LUZP2: variants seen among roughly 807,000 people sequenced by gnomAD.
LUZP2 encodes the protein leucine zipper protein 2.
Under a neutral mutation model 51.6 loss-of-function variants are expected in LUZP2, and 52 were observed. That is an observed-to-expected ratio of 1.01 (90% CI 0.81 to 1.27). The LOEUF is 1.27. Among genes scored for constraint, LUZP2 ranks in the 50% most tolerant of loss-of-function variants. LUZP2 has a pLI of 0.00. For synonymous variants in LUZP2, 154 were observed against 137.3 expected, an observed-to-expected ratio of 1.12 and a Z score of -0.85; for missense variants, 436 against 395.4, an observed-to-expected ratio of 1.10 and a Z score of -0.87.
intron 9 of LUZP2, among the ~76,000 whole-genome samples, chr11:24,999,492 A>G (rs1461346569): frequency 1.4e-5 from 2 of 139,220 alleles, no homozygotes; most frequent in Non-Finnish European, 3.0e-5. Context: ...AAGAAGAGAG[A>G]AAGAGAAGGA....
intron 7 of LUZP2, among the ~76,000 whole-genome samples, chr11:24,943,105 G>A (rs554264011): frequency 1.3e-4 from 20 of 152,192 alleles, no homozygotes; most frequent in African/African-American, 4.1e-4. Context: ...GATTGGATTC[G>A]TATGGTAATT....
At chr11:24,520,728 A>G (rs1217599857) in intron 1 of LUZP2, among the ~76,000 whole-genome samples, 2 of 152,214 alleles carry the variant, frequency 1.3e-5, no homozygotes, top group Non-Finnish European at 2.9e-5. Flanking sequence ...TTAATGGTAC[A>G]TTTAGATAGA....
intron 4 of LUZP2, among the ~76,000 whole-genome samples, chr11:24,761,560 C>A (rs1859980509): frequency 6.6e-6 from 1 of 152,126 alleles, no homozygotes; most frequent in African/African-American, 2.4e-5. Flanking sequence ...GAGCTGTATC[C>A]AGGCTGTGGG....
intron 1 of LUZP2, among the ~76,000 whole-genome samples, chr11:24,559,764 T>C (rs569494257): frequency 2.0e-5 from 3 of 152,288 alleles, no homozygotes; most frequent in Admixed American, 2.0e-4. Context: ...TAGATGATAG[T>C]TGAATTTAGT....
At chr11:24,937,630 G>A (rs1363462385) in intron 7 of LUZP2, among the ~76,000 whole-genome samples, 9 of 152,102 alleles carry the variant, frequency 5.9e-5, no homozygotes, top group Admixed American at 5.9e-4. Flanking sequence ...GGCCGGGCGC[G>A]GTGGCTCACG....
chr11:24,718,951 C>A (rs1858159154), intron 1 of LUZP2, among the ~76,000 whole-genome samples: 1 of 152,098 alleles, frequency 6.6e-6, no homozygotes, highest in South Asian at 2.1e-4. Context: ...AGACAAAACA[C>A]ATTTAAATAT....
At chr11:24,887,512 G>T (rs1160706602) in intron 5 of LUZP2, among the ~76,000 whole-genome samples, 1 of 152,160 alleles carries the variant, frequency 6.6e-6, no homozygotes, top group African/African-American at 2.4e-5. Context: ...TATCAGAAAA[G>T]CAGGCACCAG....
chr11:24,756,396 C>A (rs975892904), intron 4 of LUZP2, among the ~76,000 whole-genome samples: 2 of 152,192 alleles, frequency 1.3e-5, no homozygotes, highest in Non-Finnish European at 2.9e-5. Context: ...TGGCTTTTGT[C>A]ATCAACAGTT....
chr11:24,778,439 CAAAT>C (rs1849002925), intron 5 of LUZP2, among the ~76,000 whole-genome samples: 3 of 151,704 alleles, frequency 2.0e-5, no homozygotes, highest in South Asian at 2.1e-4. Context: ...AACAAACAAA[CAAAT>C]AAAATTTATA....
chr11:24,863,602 C>T (rs1026704354), intron 5 of LUZP2, among the ~76,000 whole-genome samples: 3 of 151,752 alleles, frequency 2.0e-5, no homozygotes, highest in Non-Finnish European at 2.9e-5. Context: ...TGGGGGGAAG[C>T]GGTGATAGAA....
intron 1 of LUZP2, among the ~76,000 whole-genome samples, chr11:24,575,710 T>C (rs1852621862): frequency 6.6e-6 from 1 of 152,192 alleles, no homozygotes; most frequent in South Asian, 2.1e-4. Context: ...AAACATCACG[T>C]AGTTTTTTAA....
At chr11:24,769,065 T>A (rs1398616832) in intron 5 of LUZP2, among the ~76,000 whole-genome samples, 6 of 152,140 alleles carry the variant, frequency 3.9e-5, no homozygotes, top group Admixed American at 3.9e-4. Context: ...TTAAAAAGAA[T>A]GAAATCCTGT....
chr11:25,001,002 G>A (rs969968461), intron 9 of LUZP2, among the ~76,000 whole-genome samples: 73 of 152,142 alleles, frequency 4.8e-4, no homozygotes, highest in African/African-American at 1.6e-3. Flanking sequence ...TATAAGTAGA[G>A]GTATTAGTTG....
chr11:24,679,914 A>G (rs760512754), intron 1 of LUZP2, among the ~76,000 whole-genome samples: 10 of 152,170 alleles, frequency 6.6e-5, no homozygotes, highest in Non-Finnish European at 1.3e-4. Flanking sequence ...TAACTATTGA[A>G]TGAATGGATT....
intron 1 of LUZP2, among the ~76,000 whole-genome samples, chr11:24,665,814 C>G (rs1856194467): frequency 6.6e-6 from 1 of 152,126 alleles, no homozygotes; most frequent in African/African-American, 2.4e-5. Context: ...TCAATTAAAC[C>G]TCTTTCCTTT....
chr11:24,908,593 A>C (rs1221286696), intron 6 of LUZP2, among the ~76,000 whole-genome samples: 2 of 152,124 alleles, frequency 1.3e-5, no homozygotes, highest in Non-Finnish European at 2.9e-5. Flanking sequence ...AGCTTTTCAA[A>C]ATGTTGCTAA....
At chr11:24,555,550 T>C (rs886712340) in intron 1 of LUZP2, among the ~76,000 whole-genome samples, 1 of 152,186 alleles carries the variant, frequency 6.6e-6, no homozygotes, top group African/African-American at 2.4e-5. Context: ...CCACTAACTG[T>C]CATGGACTAG....
intron 10 of LUZP2, among the ~76,000 whole-genome samples, chr11:25,067,215 AC>A (rs1590893306): frequency 6.6e-6 from 1 of 151,942 alleles, no homozygotes; most frequent in Non-Finnish European, 1.5e-5. Context: ...TCCTTTGGCC[AC>A]TTTTTGATGA....
At chr11:24,732,248 C>A in intron 3 of LUZP2, 60 bp downstream of exon 3, 1 of 1,263,782 alleles carries the variant, frequency 7.9e-7, no homozygotes, top group Non-Finnish European at 1.1e-6. Context: ...CATTCAGAAA[C>A]TTCACAAAAT....
Sources: allele counts gnomAD v4.1 joint callset (sites outside exome capture counted in the v4.1 genomes callset), GRCh38; gene constraint gnomAD v4.1.1; transcripts MANE v1.5; gene names NCBI Gene and HGNC (gene_info 2026-07-23, HGNC 2026-07-21).